Variants in PCDHGA7 observed in about 807,000 individuals in gnomAD.
The protein encoded by PCDHGA7 is protocadherin gamma-A7.
PCDHGA7 carries 44 observed loss-of-function variants against 58.3 expected under a neutral mutation model. That is an observed-to-expected ratio of 0.75 (90% CI 0.59 to 0.97). The LOEUF is 0.97. Ranked by LOEUF, PCDHGA7 falls within the 50% of genes least tolerant of loss-of-function variation. The probability of loss-of-function intolerance (pLI) is 0.00; values close to 1 mark genes in which losing one functional copy is unlikely to be tolerated. For synonymous variants in PCDHGA7, 516 were observed against 504.2 expected (o/e 1.02, Z -0.31); for missense variants, 1,266 against 1,188.7 (o/e 1.06, Z -0.96).
chr5:141,407,971 G>A, intron 1 of PCDHGA7: 2 of 717,762 alleles, frequency 2.8e-6, no homozygotes, highest in South Asian at 2.3e-5. Flanking sequence ...AAGCGCTGAC[G>A]CCGGGGATCC....
At chr5:141,393,367 G>A (rs1302436646) in intron 1 of PCDHGA7, 2 of 1,613,962 alleles carry the variant, frequency 1.2e-6, no homozygotes, top group East Asian at 2.2e-5. Flanking sequence ...GTGCAGACTG[G>A]AGACAATGGA....
intron 1 of PCDHGA7, chr5:141,416,818 C>T (rs766541497): frequency 9.9e-5 from 15 of 151,960 alleles, no homozygotes; most frequent in Admixed American, 2.6e-4. Flanking sequence ...AAAAGCATTC[C>T]GAAGTTTCTC....
chr5:141,472,623 TAA>T (rs2099291037), intron 1 of PCDHGA7, among the ~76,000 whole-genome samples: 1 of 152,018 alleles, frequency 6.6e-6, no homozygotes, highest in Non-Finnish European at 1.5e-5. Context: ...AGAAAAAAGA[TAA>T]AGACTGGGAA....
At position 141,389,423 on chromosome 5, in the gene PCDHGA7, C is replaced by G. The variant is rs779826135; in HGVS notation, c.2424+4100C>G. 11 of 1,613,516 alleles carry G rather than the reference C, an allele frequency of 6.8e-6. No individual in the cohort carries two copies. The highest frequency in any genetic ancestry group is 9.3e-6 in the Non-Finnish European group (11 of 1,179,902). ...TAAGCGCGGAGAGCGGGGTGGTGTT[C>G]GCGCAGCGCGCCTTCGACCACGAGC... On this transcript the variant is annotated intron_variant, in intron 1 of 3. Coordinates refer to ENST00000518325, the MANE Select transcript of PCDHGA7 (RefSeq NM_018920.4).
At chr5:141,426,374 C>G (rs908991939) in intron 1 of PCDHGA7, 2 of 219,094 alleles carry the variant, frequency 9.1e-6, no homozygotes, top group East Asian at 1.0e-4. Flanking sequence ...GGGGCACCCT[C>G]GGAGCAGATC....
At chr5:141,403,003 C>T in intron 1 of PCDHGA7, 3 of 1,613,970 alleles carry the variant, frequency 1.9e-6, no homozygotes, top group South Asian at 1.1e-5. Flanking sequence ...TCCTGCTATG[C>T]TCGCTCCTGG....
At chr5:141,420,291 G>A in intron 1 of PCDHGA7, 1 of 1,494,346 alleles carries the variant, frequency 6.7e-7, no homozygotes, top group Non-Finnish European at 9.0e-7. Context: ...ATTTAAAAAT[G>A]TATTTAATCC....
rs747156698 is a variant in PCDHGA7 at position 141,385,112 on chromosome 5, C to T, written c.2213C>T (p.Ser738Leu). Reference protein sequence around the residue: ...SEGGLANVPTSHFVGMDGVQA... With the variant: ...SEGGLANVPTLHFVGMDGVQA... ...GGTGGCTTGGCGAACGTGCCCACCT[C>T]GCACTTTGTGGGCATGGACGGGGTG... The change falls in exon 1 of 4, where the codon TCG becomes TTG. Residue 738 changes from serine (S) to leucine (L), a missense_variant. Ser to Leu is a moderately radical substitution (Grantham distance 145). Coordinates refer to ENST00000518325, the MANE Select transcript of PCDHGA7 (RefSeq NM_018920.4). 6 of 1,614,200 alleles carry T rather than the reference C, an allele frequency of 3.7e-6. No homozygotes were observed. The highest frequency in any genetic ancestry group is 2.7e-5 in the African/African-American group (2 of 75,070).
chr5:141,402,842 A>G, intron 1 of PCDHGA7: 1 of 1,396,816 alleles, frequency 7.2e-7, no homozygotes, highest in Non-Finnish European at 9.4e-7. Flanking sequence ...AGCAAAACTC[A>G]GCCTCTTTCT....
intron 1 of PCDHGA7, chr5:141,478,239 C>T: frequency 1.2e-6 from 2 of 1,614,132 alleles, no homozygotes; most frequent in Non-Finnish European, 1.7e-6. Context: ...TTTGTGGTCA[C>T]AGTGTTCGGA....
intron 1 of PCDHGA7, chr5:141,393,645 G>A (rs2092814255): frequency 6.2e-7 from 1 of 1,613,752 alleles, no homozygotes; most frequent in Non-Finnish European, 8.5e-7. Flanking sequence ...CGGAAAAGTG[G>A]CATACAAATT....
intron 1 of PCDHGA7, chr5:141,403,564 G>A (rs2094422320): frequency 2.5e-6 from 4 of 1,613,834 alleles, no homozygotes; most frequent in Non-Finnish European, 2.5e-6. Context: ...ACAGGGAGGA[G>A]GCAACTGCCC....
chr5:141,487,749 A>G lies in PCDHGA7; in HGVS notation c.2425-7058A>G, dbSNP rs574710316. 3.9e-5 allele frequency: 60 copies of G among 1,557,180 alleles called. No homozygotes were observed. The African/African-American group carries it at 5.6e-4, about 14-fold the overall frequency. ...GTCACCATTTTTGTAAGAGGTAACT[A>G]TGTGGTAGACGCTGTGCTTTGTAAC... is the stretch of plus-strand genomic sequence containing the variant. On this transcript the variant is annotated intron_variant, in intron 1 of 3. Coordinates refer to ENST00000518325, the MANE Select transcript of PCDHGA7 (RefSeq NM_018920.4). The surrounding 1 kb of genome is among the most constrained non-coding windows in gnomAD (Gnocchi z 5.0).
intron 1 of PCDHGA7, chr5:141,440,247 T>C (rs1158469276): frequency 1.3e-5 from 2 of 152,296 alleles, no homozygotes; most frequent in Non-Finnish European, 2.9e-5. Context: ...GGCGAGCAGA[T>C]TACGAGGTCA....
At chr5:141,460,411 T>TG (rs2098988114) in intron 1 of PCDHGA7, among the ~76,000 whole-genome samples, 1 of 152,212 alleles carries the variant, frequency 6.6e-6, no homozygotes, top group Non-Finnish European at 1.5e-5. Context: ...TTTGAGTTGA[T>TG]GTTTATGTAT....
rs549829392 is a variant in PCDHGA7 at position 141,403,606 on chromosome 5, C to T, written c.2424+18283C>T. The T allele has an allele frequency of 3.1e-5, 50 of 1,613,710 alleles. No homozygotes were observed. The East Asian group carries it at 8.5e-4, about 27-fold the overall frequency. Reference sequence around the variant, plus strand: ...TGGTCCTCACGGCCTCGGATGGCGGCGAGCCGCGTCGCTCCAGCACAGTGC... The same window carrying T: ...TGGTCCTCACGGCCTCGGATGGCGGTGAGCCGCGTCGCTCCAGCACAGTGC... On this transcript the variant is annotated intron_variant, in intron 1 of 3. Coordinates refer to ENST00000518325, the MANE Select transcript of PCDHGA7 (RefSeq NM_018920.4).
At chr5:141,466,624 G>C (rs1279938026) in intron 1 of PCDHGA7, among the ~76,000 whole-genome samples, 1 of 152,038 alleles carries the variant, frequency 6.6e-6, no homozygotes, top group Non-Finnish European at 1.5e-5. Context: ...GTTTTCTTTG[G>C]AGCATTGTCT....
chr5:141,388,910 C>T, intron 1 of PCDHGA7: 1 of 1,613,852 alleles, frequency 6.2e-7, no homozygotes, highest in East Asian at 2.2e-5. Context: ...ATGACAACGC[C>T]CCAGAAGTGA....
Position 141,431,690 on chromosome 5 carries a change from G to A in PCDHGA7, c.2424+46367G>A. 1.2e-6 allele frequency: 2 copies of A among 1,614,234 alleles called. No individual in the cohort carries two copies. Among genetic ancestry groups the A allele is most frequent in the Non-Finnish European group, 8.5e-7 (1 of 1,180,040 alleles). On this transcript the variant is annotated intron_variant, in intron 1 of 3. Coordinates refer to ENST00000518325, the MANE Select transcript of PCDHGA7 (RefSeq NM_018920.4). The surrounding 1 kb of genome is among the most constrained non-coding windows in gnomAD (Gnocchi z 4.8). ...AACAATAGGGGAGTTGGACCACGAG[G>A]AGTCAGGATTCTACCAGATGGAAGT... is the stretch of plus-strand genomic sequence containing the variant.
Sources: gnomAD v4.1 joint callset for allele counts (sites outside exome capture counted in the v4.1 genomes callset) on GRCh38, gnomAD v4.1.1 for gene constraint, Gnocchi (gnomAD v3.1) non-coding constraint, MANE v1.5 for transcripts, NCBI Gene and HGNC (gene_info 2026-07-23, HGNC 2026-07-21) for gene names.